The following AKTIP variants were observed in gnomAD, a reference collection of about 807,000 sequenced individuals.
AKTIP encodes the protein AKT-interacting protein.
AKTIP carries 16 observed loss-of-function variants against 39.1 expected under a neutral mutation model. The ratio of observed to expected loss-of-function variants is 0.41; its 90% CI spans 0.28 to 0.62. The LOEUF is 0.62. Ranked by LOEUF, AKTIP falls within the 20% of genes least tolerant of loss-of-function variation. The pLI is 0.32. For missense variants in AKTIP, 262 were observed against 356.6 expected (o/e 0.73, Z 2.14); for synonymous variants, 93 against 124.3 (o/e 0.75, Z 1.67).
At chr16:53,502,686 G>A (rs1412420221) in intron 1 of AKTIP, 3 of 152,300 alleles carry the variant, frequency 2.0e-5, no homozygotes, top group Non-Finnish European at 1.5e-5. Flanking sequence ...AGCACTCAGG[G>A]AATCTGGACA....
At chr16:53,500,669 C>T (rs1408775759) in intron 1 of AKTIP, among the ~76,000 whole-genome samples, 1 of 152,156 alleles carries the variant, frequency 6.6e-6, no homozygotes, top group Non-Finnish European at 1.5e-5. Flanking sequence ...TGAGCCACCA[C>T]GCCCGGCCAA....
chr16:53,500,070 C>A, intron 2 of AKTIP, 148 bp downstream of exon 2: 1 of 534,914 alleles, frequency 1.9e-6, no homozygotes, highest in Non-Finnish European at 3.2e-6. Context: ...ATAATTATTT[C>A]TCAAGAGTAA....
intron 3 of AKTIP, among the ~76,000 whole-genome samples, 162 bp from the exon 4 acceptor site, chr16:53,495,488 G>A (rs550157916): frequency 6.6e-6 from 1 of 152,176 alleles, no homozygotes; most frequent in East Asian, 1.9e-4. Flanking sequence ...ACACAACTCA[G>A]GAAAGAGCCC....
chr16:53,492,562 G>A (rs1961553619), intron 9 of AKTIP, 43 bp from the exon 10 acceptor site: 1 of 1,608,206 alleles, frequency 6.2e-7, no homozygotes, highest in Non-Finnish European at 8.5e-7. Context: ...AATTACTGGT[G>A]AGGAGATTTC....
upstream of AKTIP, among the ~76,000 whole-genome samples, chr16:53,503,465 C>T (rs1311106004): frequency 6.6e-6 from 1 of 152,226 alleles, no homozygotes; most frequent in Non-Finnish European, 1.5e-5. Flanking sequence ...CTTGACCCTC[C>T]CCTTACGTAA....
intron 7 of AKTIP, 42 bp from the exon 8 acceptor site, chr16:53,494,287 A>G: frequency 6.2e-7 from 1 of 1,609,952 alleles, no homozygotes; most frequent in Non-Finnish European, 8.5e-7. Flanking sequence ...AACTTAATCT[A>G]CTTAGCTGCA....
intron 1 of AKTIP, chr16:53,501,848 A>G (rs1214923648): frequency 6.6e-6 from 1 of 152,244 alleles, no homozygotes; most frequent in Non-Finnish European, 1.5e-5. Context: ...AAGTAACAAC[A>G]GTTCTCCGCA....
At position 53,492,734 on chromosome 16, in the gene AKTIP, A is replaced by T; in HGVS notation, c.730T>A (p.Ser244Thr). Residue 244 changes from serine (S) to threonine (T), a missense_variant, in exon 9 of 10, where the codon TCT (serine) becomes ACT (threonine). Ser to Thr is a moderately conservative substitution (Grantham distance 58). Transcript: ENST00000394657. ...YAISFSPWNPSVHDEAREKML... is the reference protein window; with the variant it reads ...YAISFSPWNPTVHDEAREKML... ...TTTTCTCTGGCTTCATCATGTACAGAAGGATTCCATGGAGAAAAGCTTAAG... is the reference window on the plus strand; with the variant it reads ...TTTTCTCTGGCTTCATCATGTACAGTAGGATTCCATGGAGAAAAGCTTAAG... 11 of 1,614,068 alleles carry T rather than the reference A, an allele frequency of 6.8e-6. No individual in the cohort carries two copies. Among genetic ancestry groups the T allele is most frequent in the Non-Finnish European group, 9.3e-6 (11 of 1,179,952 alleles).
intron 3 of AKTIP, among the ~76,000 whole-genome samples, chr16:53,496,849 G>A (rs760880335): frequency 3.3e-5 from 5 of 151,750 alleles, no homozygotes; most frequent in Admixed American, 3.3e-4. Flanking sequence ...TCAAAAAAAA[G>A]AAAAAAAGAT....
At chr16:53,504,374 C>T (rs1962346768), upstream of AKTIP, 2 of 152,216 alleles carry the variant, frequency 1.3e-5, no homozygotes, top group African/African-American at 4.8e-5. Flanking sequence ...AAGCCGCATT[C>T]TCTGGCCGGG....
chr16:53,498,649 A>C (rs747266345), intron 2 of AKTIP, 53 bp from the exon 3 acceptor site: 2 of 1,550,184 alleles, frequency 1.3e-6, no homozygotes, highest in Non-Finnish European at 1.8e-6. Flanking sequence ...TTAAATCACA[A>C]GAGTACATTA....
At chr16:53,494,026 T>C in intron 8 of AKTIP, 112 bp downstream of exon 8, 2 of 789,416 alleles carry the variant, frequency 2.5e-6, no homozygotes, top group Middle Eastern at 3.6e-4. Flanking sequence ...GGTTGTAGGC[T>C]AACAGCTTAT....
chr16:53,492,629 C>T, intron 9 of AKTIP, 64 bp downstream of exon 9: 1 of 1,603,578 alleles, frequency 6.2e-7, no homozygotes, highest in Non-Finnish European at 8.5e-7. Flanking sequence ...GAGCAGTCTC[C>T]AAATGAAGAC....
intron 3 of AKTIP, among the ~76,000 whole-genome samples, chr16:53,496,309 A>T (rs935942737): frequency 6.6e-6 from 1 of 152,068 alleles, no homozygotes; most frequent in Non-Finnish European, 1.5e-5. Context: ...TCTAATACAG[A>T]TTTAATCACC....
chr16:53,499,215 T>G (rs1962019526), intron 2 of AKTIP, among the ~76,000 whole-genome samples: 1 of 152,230 alleles, frequency 6.6e-6, no homozygotes, highest in Admixed American at 6.5e-5. Context: ...TCATAGGTAC[T>G]TCCTTGGCGC....
Position 53,498,620 on chromosome 16 carries a change from A to G in AKTIP, c.43-24T>C, listed in dbSNP as rs377629353. ...CGCTATACAAGATGAAGTTGTAAGAATATCTGTTAGGATGATTCTTAAATC... is the reference window on the plus strand; with the variant it reads ...CGCTATACAAGATGAAGTTGTAAGAGTATCTGTTAGGATGATTCTTAAATC... On this transcript the variant is annotated intron_variant, in intron 2 of 9. Transcript: ENST00000394657. 1.9e-6 allele frequency: 3 copies of G among 1,605,706 alleles called. No individual in the cohort carries two copies. In the African/African-American group the frequency reaches 4.0e-5, roughly 21 times the overall value.
Position 53,494,409 on chromosome 16 carries a change from A to G in AKTIP, c.532T>C (p.Leu178=). 6.2e-7 allele frequency: 1 copy of G among 1,614,192 alleles called. No individual in the cohort carries two copies. Among genetic ancestry groups the G allele is most frequent in the Non-Finnish European group, 8.5e-7 (1 of 1,180,038 alleles). ...RRNHNHIWQV[L]MYARRVFYKI... is the part of the protein sequence containing the mutation. ...TAGAAAACTCTCCTTGCATACATTA[A>G]TACCTGCCAAATATGATTATGGTTC... The change falls in exon 7 of 10, where the codon TTA becomes CTA. Residue 178 remains leucine, a synonymous_variant. Coordinates refer to ENST00000394657, the MANE Select transcript of AKTIP (RefSeq NM_022476.4).
intron 8 of AKTIP, 97 bp downstream of exon 8, chr16:53,494,041 G>T: frequency 1.1e-6 from 1 of 910,108 alleles, no homozygotes; most frequent in Non-Finnish European, 1.8e-6. Flanking sequence ...GCTTATGCAT[G>T]TGCCTTTTTA....
rs1218035603 is a variant in AKTIP at position 53,492,028 on chromosome 16, T to C, written c.*384A>G. 1.7e-5 allele frequency: 3 copies of C among 172,522 alleles called. No homozygotes were observed. Among genetic ancestry groups the C allele is most frequent in the Non-Finnish European group, 2.5e-5 (2 of 79,844 alleles). The allele number at this position is 172,522 out of a possible 1,614,324, so 10.7% of individuals were successfully genotyped here. On this transcript the variant is annotated 3_prime_UTR_variant, in exon 10 of 10. Coordinates refer to ENST00000394657, the MANE Select transcript of AKTIP (RefSeq NM_022476.4). ...ATGGAACCTGCTCTCTCTATACCTC[T>C]CCATTTCCTAACATATATACAACTG...
Sources: allele counts gnomAD v4.1 joint callset (sites outside exome capture counted in the v4.1 genomes callset), GRCh38; gene constraint gnomAD v4.1.1; transcripts MANE v1.5; gene names NCBI Gene and HGNC (gene_info 2026-07-23, HGNC 2026-07-21).